The following ALG8 variants were observed in gnomAD, a reference collection of about 807,000 sequenced individuals.
ALG8 encodes the protein ALG8 alpha-1,3-glucosyltransferase, also known as dolichyl pyrophosphate Glc1Man9GlcNAc2 alpha-1,3-glucosyltransferase.
Under a neutral mutation model 70.2 loss-of-function variants are expected in ALG8, and 48 were observed. That is an observed-to-expected ratio of 0.68 (90% CI 0.54 to 0.87). The LOEUF (loss-of-function observed/expected upper bound fraction) is 0.87. Among genes scored for constraint, ALG8 ranks in the 40% least tolerant of loss-of-function variants. The probability of loss-of-function intolerance (pLI) is 0.00; values close to 1 mark genes in which losing one functional copy is unlikely to be tolerated. For missense variants in ALG8, 572 were observed against 608.7 expected (o/e 0.94, Z 0.64); for synonymous variants, 234 against 229.0 (o/e 1.02, Z -0.20).
intron 10 of ALG8, 109 bp from the exon 11 acceptor site, chr11:78,104,562 A>G: frequency 2.9e-6 from 3 of 1,033,806 alleles, no homozygotes; most frequent in Non-Finnish European, 4.2e-6. Context: ...ATAGAAGAAC[A>G]TGCTGATTTT....
At position 78,127,393 on chromosome 11, in the gene ALG8, T is replaced by C. The variant is rs121908293; in HGVS notation, c.139A>G (p.Thr47Ala). 1.9e-6 allele frequency: 3 copies of C among 1,613,600 alleles called. No homozygotes were observed. Among genetic ancestry groups the C allele is most frequent in the East Asian group, 2.2e-5 (1 of 44,854 alleles). ...CACTGTGATATTGGCAAACTGTGAG[T>C]GATAGCAAGCCAGTTTCGGTGTACT... ...FEVHRNWLAI[T>A]HSLPISQWYY... The change falls in exon 2 of 13, where the codon ACT becomes GCT. Residue 47 changes from threonine to alanine, a missense_variant. Physicochemically the swap from Thr to Ala is moderately conservative, Grantham distance 58. Transcript: ENST00000299626.
intron 1 of ALG8, among the ~76,000 whole-genome samples, chr11:78,128,954 A>T (rs1284965636): frequency 1.3e-5 from 2 of 152,018 alleles, no homozygotes; most frequent in African/African-American, 4.8e-5. Context: ...TTCTTTACTA[A>T]GTTGTGGAGA....
At chr11:78,109,199 C>CGG (rs1454097976) in intron 9 of ALG8, among the ~76,000 whole-genome samples, 1 of 152,102 alleles carries the variant, frequency 6.6e-6, no homozygotes, top group African/African-American at 2.4e-5. Flanking sequence ...TCCCTTCCCC[C>CGG]GGGTGAACAG....
In ALG8 at chr11:78,139,477, C is replaced by A; in HGVS notation, c.95+17G>T. On this transcript the variant is annotated intron_variant, in intron 1 of 12. Coordinates refer to ENST00000299626, the MANE Select transcript of ALG8 (RefSeq NM_024079.5). Reference sequence around the variant, plus strand: ...CGGGGCCTCCCCGCCCAGCCCCTGGCCGTGCGAGTCCCTTACTATGTGGGG... The same window carrying A: ...CGGGGCCTCCCCGCCCAGCCCCTGGACGTGCGAGTCCCTTACTATGTGGGG... 6.4e-7 allele frequency: 1 copy of A among 1,553,178 alleles called. No homozygotes were observed. The highest frequency in any genetic ancestry group is 2.4e-5 in the East Asian group (1 of 41,098).
Position 78,119,250 on chromosome 11 carries a change from C to T in ALG8, c.479-1G>A. On this transcript the variant is annotated splice_acceptor_variant, in intron 4 of 12. Transcript: ENST00000299626. LOFTEE classifies it high-confidence loss of function. Reference sequence around the variant, plus strand: ...AAGCCATTGTACTGAAAATGAATATCTGGACTTAGGTCAAGGAAAGACAAC... The same window carrying T: ...AAGCCATTGTACTGAAAATGAATATTTGGACTTAGGTCAAGGAAAGACAAC... 1 of 1,609,156 alleles carries T rather than the reference C, an allele frequency of 6.2e-7. No individual in the cohort carries two copies. The highest frequency in any genetic ancestry group is 8.5e-7 in the Non-Finnish European group (1 of 1,175,812).
intron 10 of ALG8, 81 bp from the exon 11 acceptor site, chr11:78,104,534 A>G: frequency 7.9e-7 from 1 of 1,268,648 alleles, no homozygotes; most frequent in Non-Finnish European, 1.1e-6. Flanking sequence ...CTCCTATTAC[A>G]TTAGAACTGG....
At chr11:78,132,189 C>G (rs1861336472) in intron 1 of ALG8, among the ~76,000 whole-genome samples, 1 of 152,220 alleles carries the variant, frequency 6.6e-6, no homozygotes, top group South Asian at 2.1e-4. Context: ...AGATTCTAAC[C>G]AGGGCAGTCT....
rs755795309 is a variant in ALG8 at position 78,119,165 on chromosome 11, TAAAC to T, written c.546+13_546+16del. 1 of 1,580,682 alleles carries T rather than the reference TAAAC, an allele frequency of 6.3e-7. No individual in the cohort carries two copies. Among genetic ancestry groups the T allele is most frequent in the South Asian group, 1.1e-5 (1 of 90,298 alleles). Reference sequence around the variant, plus strand: ...TAATCTAAAAGGGAAAAAATCTAATTAAACAATTATGTTTACCTGAAATAATCGT... The same window carrying T: ...TAATCTAAAAGGGAAAAAATCTAATTAATTATGTTTACCTGAAATAATCGT... On this transcript the variant is annotated intron_variant, in intron 5 of 12. Transcript: ENST00000299626.
chr11:78,127,568 T>C (rs1258286620), intron 1 of ALG8, 132 bp from the exon 2 acceptor site: 44 of 777,834 alleles, frequency 5.7e-5, no homozygotes, highest in Middle Eastern at 3.4e-4. Context: ...GAGACACAAA[T>C]AGACATTACA....
At chr11:78,107,042 G>C in intron 9 of ALG8, 96 bp from the exon 10 acceptor site, 1 of 1,422,026 alleles carries the variant, frequency 7.0e-7, no homozygotes, top group Non-Finnish European at 9.7e-7. Flanking sequence ...ATCTCTGAAA[G>C]ACAGCCAATC....
chr11:78,138,489 C>A (rs1361604253), intron 1 of ALG8, among the ~76,000 whole-genome samples: 1 of 152,130 alleles, frequency 6.6e-6, no homozygotes. Flanking sequence ...ATTCCACTTA[C>A]ATGATTACAT....
At chr11:78,125,787 TGA>T (rs1861043649) in intron 2 of ALG8, among the ~76,000 whole-genome samples, 1 of 148,302 alleles carries the variant, frequency 6.7e-6, no homozygotes, top group Admixed American at 6.7e-5. Context: ...CCGGCCTGGG[TGA>T]GAGTGAGACT....
intron 1 of ALG8, among the ~76,000 whole-genome samples, chr11:78,132,323 C>T (rs1340331991): frequency 6.6e-6 from 1 of 152,182 alleles, no homozygotes; most frequent in South Asian, 2.1e-4. Context: ...ATCTCTAATG[C>T]CACCACTCCA....
Position 78,106,960 on chromosome 11 carries a change from G to A in ALG8, c.1039-14C>T. On this transcript the variant is annotated splice_polypyrimidine_tract_variant and intron_variant, in intron 9 of 12. Coordinates refer to ENST00000299626, the MANE Select transcript of ALG8 (RefSeq NM_024079.5). ...GAAAATAGAGGGCTAGAAACAACAG[G>A]CAAAGATAAACTTCAGTATCATTTG... 6.2e-7 allele frequency: 1 copy of A among 1,613,610 alleles called. No homozygotes were observed. Among genetic ancestry groups the A allele is most frequent in the South Asian group, 1.1e-5 (1 of 91,088 alleles).
At chr11:78,127,499 A>G in intron 1 of ALG8, 63 bp from the exon 2 acceptor site, 1 of 1,419,198 alleles carries the variant, frequency 7.0e-7, no homozygotes, top group Non-Finnish European at 9.9e-7. Context: ...TCTAATTCCC[A>G]TAGTTATGCT....
At position 78,114,049 on chromosome 11, in the gene ALG8, T is replaced by C. The variant is rs1860443963; in HGVS notation, c.674-60A>G. The C allele has an allele frequency of 3.4e-6, 5 of 1,469,524 alleles. No individual in the cohort carries two copies. In the East Asian group the frequency reaches 1.2e-4, roughly 35 times the overall value. 91.0% of individuals were successfully genotyped at this position (1,469,524 alleles called of 1,614,324 possible). On this transcript the variant is annotated intron_variant, in intron 6 of 12. Coordinates refer to ENST00000299626, the MANE Select transcript of ALG8 (RefSeq NM_024079.5). ...ATGGAAAGGAACATTAACCATAACC[T>C]ATATCATGTGCTAAAACTAGAAGTA...
At chr11:78,119,507 C>T (rs1187795886) in intron 4 of ALG8, among the ~76,000 whole-genome samples, 2 of 149,530 alleles carry the variant, frequency 1.3e-5, no homozygotes, top group Admixed American at 6.7e-5. Context: ...TGGCTCACTG[C>T]AGCCTCTGCC....
At chr11:78,130,071 G>A (rs1183213586) in intron 1 of ALG8, among the ~76,000 whole-genome samples, 2 of 152,112 alleles carry the variant, frequency 1.3e-5, no homozygotes, top group African/African-American at 4.8e-5. Flanking sequence ...AACATCAGAG[G>A]CCAGGCATGA....
rs1860056130 is a variant in ALG8, at chr11:78,106,850, G to A, written c.1135C>T (p.His379Tyr). The change falls in exon 10 of 13, where the codon CAT becomes TAT. Residue 379 changes from histidine to tyrosine, a missense_variant. His to Tyr is a moderately conservative substitution (Grantham distance 83). Coordinates refer to ENST00000299626, the MANE Select transcript of ALG8 (RefSeq NM_024079.5). Reference protein sequence around the residue: ...CALSSFMFGWHVHEKAILLAI... With the variant: ...CALSSFMFGWYVHEKAILLAI... ...AGAAGTATGGCTTTTTCATGAACAT[G>A]CCACCCAAACATAAAGGAGCTCAAG... is the stretch of plus-strand genomic sequence containing the variant. 8 of 1,614,076 alleles carry A rather than the reference G, an allele frequency of 5.0e-6. No individual in the cohort carries two copies. In the South Asian group the frequency reaches 6.6e-5, roughly 13 times the overall value.
Sources: allele counts gnomAD v4.1 joint callset (sites outside exome capture counted in the v4.1 genomes callset), GRCh38; gene constraint gnomAD v4.1.1; transcripts MANE v1.5; gene names NCBI Gene and HGNC (gene_info 2026-07-23, HGNC 2026-07-21).